NRXN1: variants seen among roughly 807,000 people sequenced by gnomAD.
The protein encoded by NRXN1 is neurexin-1.
NRXN1 carries 39 observed loss-of-function variants against 150.9 expected under a neutral mutation model. The ratio of observed to expected loss-of-function variants is 0.26; its 90% confidence interval spans 0.20 to 0.34. The LOEUF (loss-of-function observed/expected upper bound fraction) is 0.34. Among genes scored for constraint, NRXN1 ranks in the 10% least tolerant of loss-of-function variants. The pLI, the probability that NRXN1 is intolerant of heterozygous loss-of-function variation, is 1.00. For synonymous variants in NRXN1, 924 were observed against 757.0 expected (o/e 1.22, Z -3.62); for missense variants, 1,815 against 1,949.9 (o/e 0.93, Z 1.30).
At chr2:50,904,263 A>G (rs1449211715) in intron 5 of NRXN1, among the ~76,000 whole-genome samples, 3 of 152,180 alleles carry the variant, frequency 2.0e-5, no homozygotes, top group African/African-American at 7.2e-5. Flanking sequence ...AAAGTATAAT[A>G]ATAATTTTAA....
At chr2:50,841,013 G>C (rs774150549) in intron 5 of NRXN1, 1 of 152,516 alleles carries the variant, frequency 6.6e-6, no homozygotes, top group Non-Finnish European at 1.5e-5. Flanking sequence ...CTATGTCAAC[G>C]TTGCTTCTGC....
chr2:50,459,622 A>C (rs891417584), intron 17 of NRXN1, among the ~76,000 whole-genome samples: 4 of 152,100 alleles, frequency 2.6e-5, no homozygotes, highest in Non-Finnish European at 4.4e-5. Context: ...TCCATCCATT[A>C]TCCCACAAAA....
rs1471661368 is a variant in NRXN1 at position 50,219,965 on chromosome 2, ATATATATATAATATATATAT to A, written c.3546+16804_3546+16823del. On this transcript the variant is annotated intron_variant, in intron 18 of 22. Transcript: ENST00000401669. ...ATATTATATATATAATATATATATT[ATATATATATAATATATATAT>A]TATATATAATATATATTATATAATA... Among the ~76,000 whole-genome samples, 66 of 56,736 alleles carry A rather than the reference ATATATATATAATATATATAT, an allele frequency of 1.2e-3. No homozygotes were observed. The Middle Eastern group carries it at 0.047, about 41-fold the overall frequency. 37.2% of individuals were successfully genotyped at this position (56,736 alleles called of 152,430 possible).
chr2:50,356,976 C>A (rs74822848), intron 17 of NRXN1, among the ~76,000 whole-genome samples: 1,584 of 152,012 alleles, frequency 0.01, 32 homozygotes, highest in African/African-American at 0.037. Context: ...GCCTCACTAC[C>A]AATGCCCTTA....
At chr2:50,489,571 G>T (rs1306763940) in intron 15 of NRXN1, among the ~76,000 whole-genome samples, 2 of 145,560 alleles carry the variant, frequency 1.4e-5, no homozygotes, top group Non-Finnish European at 2.9e-5. Flanking sequence ...TCTCTCATCT[G>T]TAAAAGGAAT....
intron 8 of NRXN1, among the ~76,000 whole-genome samples, chr2:50,574,832 T>G (rs1356259279): frequency 3.3e-5 from 5 of 152,206 alleles, no homozygotes; most frequent in Admixed American, 3.3e-4. Context: ...ACCCTTGCCT[T>G]GCTAGCTGGG....
At chr2:50,181,127 C>T (rs1409511822) in intron 18 of NRXN1, among the ~76,000 whole-genome samples, 1 of 151,952 alleles carries the variant, frequency 6.6e-6, no homozygotes, top group Non-Finnish European at 1.5e-5. Flanking sequence ...AGCTCAGTAG[C>T]TTTAACACAT....
chr2:50,463,741 C>G (rs6732311), intron 17 of NRXN1, among the ~76,000 whole-genome samples: 66,677 of 151,422 alleles, frequency 0.44, 14,910 homozygotes, highest in East Asian at 0.58. Context: ...TGAGGATACA[C>G]AGTCTGCCAC....
At chr2:50,957,482 C>G (rs1417039053) in intron 2 of NRXN1, among the ~76,000 whole-genome samples, 1 of 152,122 alleles carries the variant, frequency 6.6e-6, no homozygotes, top group Non-Finnish European at 1.5e-5. Context: ...TCCTGCAATG[C>G]ACACAATAGC....
chr2:50,683,646 A>AAAAT, intron 5 of NRXN1, among the ~76,000 whole-genome samples: 1 of 14,910 alleles, frequency 6.7e-5, no homozygotes, highest in African/African-American at 3.6e-4. Flanking sequence ...AAAAAAAAAA[A>AAAAT]ATATATATAT....
At chr2:50,175,234 G>A (rs768324748) in intron 18 of NRXN1, 5 of 152,084 alleles carry the variant, frequency 3.3e-5, no homozygotes, top group African/African-American at 1.2e-4. Context: ...AGACAACACG[G>A]TCACACAAAT....
At chr2:50,898,987 C>G (rs985588039) in intron 5 of NRXN1, among the ~76,000 whole-genome samples, 1 of 151,710 alleles carries the variant, frequency 6.6e-6, no homozygotes, top group Non-Finnish European at 1.5e-5. Context: ...AAAGAAATAC[C>G]TGTCAAACAG....
chr2:50,353,535 T>C lies in NRXN1; in HGVS notation c.3364+111907A>G, dbSNP rs12105968. Among the ~76,000 whole-genome samples the C allele has an allele frequency of 3.8e-3, 578 of 152,258 alleles. 2 individuals carry two copies. The highest frequency in any genetic ancestry group is 0.014 in the African/African-American group (568 of 41,556). On this transcript the variant is annotated intron_variant, in intron 17 of 22. Coordinates refer to ENST00000401669, the MANE Select transcript of NRXN1 (RefSeq NM_001330078.2). ...TGTGACATTGAGTTTAAGGGCCCCT[T>C]GTCCCAGTTTCCTCATCTGGAAAAT...
At chr2:50,247,204 C>T (rs1349364273) in intron 17 of NRXN1, among the ~76,000 whole-genome samples, 2 of 151,944 alleles carry the variant, frequency 1.3e-5, no homozygotes, top group Admixed American at 6.6e-5. Flanking sequence ...AAAACATGGT[C>T]GACTTAGTTA....
intron 17 of NRXN1, among the ~76,000 whole-genome samples, chr2:50,334,209 A>ATATATG (rs760530144): frequency 0.14 from 17,158 of 121,300 alleles, 2,234 homozygotes; most frequent in East Asian, 0.41. Flanking sequence ...ATATATATAT[A>ATATATG]TATGTATGTA....
At chr2:50,783,030 C>T (rs919317110) in intron 5 of NRXN1, among the ~76,000 whole-genome samples, 1 of 152,090 alleles carries the variant, frequency 6.6e-6, no homozygotes, top group Non-Finnish European at 1.5e-5. Flanking sequence ...CTTTCACCAC[C>T]GCCCCATTCT....
chr2:50,366,750 G>A (rs1372408477), intron 17 of NRXN1, among the ~76,000 whole-genome samples: 1 of 151,822 alleles, frequency 6.6e-6, no homozygotes, highest in Non-Finnish European at 1.5e-5. Flanking sequence ...GAATGCCCAC[G>A]ACAATACCAA....
chr2:50,346,648 G>T lies in NRXN1; in HGVS notation c.3365-109678C>A. 6.2e-7 allele frequency: 1 copy of T among 1,602,430 alleles called. No homozygotes were observed. On this transcript the variant is annotated intron_variant, in intron 17 of 22. Transcript: ENST00000401669. This position sits in a 1 kb window ranked among gnomAD's most constrained non-coding sequence, Gnocchi z 5.0. ...GAGCGAGTGCAGGGTAGAAAGAGGG[G>T]AGCGAGGGGATAACCCGCGAGAACT...
At position 50,827,632 on chromosome 2, in the gene NRXN1, G is replaced by C. The variant is rs937666227; in HGVS notation, c.832+94237C>G. 5.9e-5 allele frequency among the ~76,000 whole-genome samples: 9 copies of C among 151,998 alleles called. No homozygotes were observed. In the East Asian group the frequency reaches 1.2e-3, roughly 20 times the overall value. On this transcript the variant is annotated intron_variant, in intron 5 of 22. Coordinates refer to ENST00000401669, the MANE Select transcript of NRXN1 (RefSeq NM_001330078.2). ...TATTTATTTAGTTTTTTAATTGATC[G>C]TTCTTGGATGTTTCTCACAGAGGGG...
Sources: gnomAD v4.1 joint callset for allele counts (sites outside exome capture counted in the v4.1 genomes callset) on GRCh38, gnomAD v4.1.1 for gene constraint, Gnocchi (gnomAD v3.1) non-coding constraint, MANE v1.5 for transcripts, NCBI Gene and HGNC (gene_info 2026-07-23, HGNC 2026-07-21) for gene names.